Variants in AGBL4 observed in about 807,000 individuals in gnomAD.
AGBL4 encodes AGBL carboxypeptidase 4, also known as cytosolic carboxypeptidase 6.
A neutral mutation model predicts 66.4 loss-of-function variants in AGBL4; 58 were observed. The ratio of observed to expected loss-of-function variants is 0.87; its 90% CI spans 0.71 to 1.09. The LOEUF is 1.09. Among genes scored for constraint, AGBL4 ranks in the 50% least tolerant of loss-of-function variants. The probability of loss-of-function intolerance (pLI) is 0.00; values close to 1 mark genes in which losing one functional copy is unlikely to be tolerated. For synonymous variants in AGBL4, 234 were observed against 222.9 expected, an observed-to-expected ratio of 1.05 and a Z score of -0.44; for missense variants, 579 against 631.0, an observed-to-expected ratio of 0.92 and a Z score of 0.88.
At chr1:49,189,989 C>G (rs1212606097) in intron 4 of AGBL4, among the ~76,000 whole-genome samples, 1 of 152,132 alleles carries the variant, frequency 6.6e-6, no homozygotes. Context: ...TTTTATTTTT[C>G]CTCCAAAGAC....
intron 5 of AGBL4, among the ~76,000 whole-genome samples, chr1:49,035,480 A>G (rs529815744): frequency 6.6e-6 from 1 of 152,230 alleles, no homozygotes; most frequent in African/African-American, 2.4e-5. Flanking sequence ...AGGGTTTTAT[A>G]TGTTGACATA....
chr1:49,451,784 T>C (rs931167661), intron 3 of AGBL4, among the ~76,000 whole-genome samples: 1 of 151,886 alleles, frequency 6.6e-6, no homozygotes, highest in African/African-American at 2.4e-5. Flanking sequence ...ATTATAAGAA[T>C]TGGTACAGAA....
chr1:49,626,469 A>T (rs950459783), intron 3 of AGBL4, among the ~76,000 whole-genome samples: 11 of 152,196 alleles, frequency 7.2e-5, no homozygotes, highest in Admixed American at 5.9e-4. Context: ...TAGAATAGAT[A>T]TCTAAAGAAT....
chr1:49,882,911 A>G (rs928894360), intron 1 of AGBL4, among the ~76,000 whole-genome samples: 5 of 152,178 alleles, frequency 3.3e-5, no homozygotes, highest in Non-Finnish European at 5.9e-5. Flanking sequence ...GGAGAGTCCT[A>G]TACAACTTCT....
At chr1:49,307,700 A>T (rs1570398802) in intron 3 of AGBL4, among the ~76,000 whole-genome samples, 1 of 152,074 alleles carries the variant, frequency 6.6e-6, no homozygotes, top group Non-Finnish European at 1.5e-5. Flanking sequence ...TGCCTTTGTA[A>T]CCAGCCATTC....
Position 49,236,029 on chromosome 1 carries a change from T to TATTG in AGBL4, c.377+9737_377+9740dup, listed in dbSNP as rs1192752996. Among the ~76,000 whole-genome samples the TATTG allele has an allele frequency of 1.2e-4, 18 of 149,604 alleles. No homozygotes were observed. In the East Asian group the frequency reaches 2.1e-3, roughly 17 times the overall value. ...TTATTTATTTATTTATTTATTTATT[T>TATTG]ATTGATGATTGATTGATTGAGATGG... On this transcript the variant is annotated intron_variant, in intron 4 of 13. Transcript: ENST00000371839.
At chr1:49,605,944 A>G (rs1645055989) in intron 3 of AGBL4, among the ~76,000 whole-genome samples, 1 of 152,150 alleles carries the variant, frequency 6.6e-6, no homozygotes, top group African/African-American at 2.4e-5. Context: ...TGAGGGAAAT[A>G]AAGGAGACTA....
intron 3 of AGBL4, among the ~76,000 whole-genome samples, chr1:49,469,503 A>C (rs562265032): frequency 6.6e-6 from 1 of 151,978 alleles, no homozygotes; most frequent in East Asian, 1.9e-4. Context: ...ATTATTTAAA[A>C]TAATTGCACT....
At chr1:49,703,937 G>T (rs2124634876) in intron 2 of AGBL4, among the ~76,000 whole-genome samples, 1 of 151,954 alleles carries the variant, frequency 6.6e-6, no homozygotes, top group East Asian at 1.9e-4. Flanking sequence ...GGCACTACCA[G>T]CAAAAAATTA....
chr1:49,391,558 T>G (rs1442418605), intron 3 of AGBL4, among the ~76,000 whole-genome samples: 2 of 85,890 alleles, frequency 2.3e-5, no homozygotes, highest in Admixed American at 2.1e-4. Flanking sequence ...GAGTTTTTTT[T>G]TTTTGTTTTT....
Position 49,085,283 on chromosome 1 carries a change from A to G in AGBL4, c.378-39483T>C, listed in dbSNP as rs1291257196. Among the ~76,000 whole-genome samples the G allele has an allele frequency of 1.1e-4, 17 of 151,582 alleles. No individual in the cohort carries two copies. In the South Asian group the frequency reaches 2.3e-3, roughly 21 times the overall value. On this transcript the variant is annotated intron_variant, in intron 4 of 13. Transcript: ENST00000371839. ...GACTTTCATCATCATCATCATCATCATCATCATCATCATCATCATCATCAT... is the reference window on the plus strand; with the variant it reads ...GACTTTCATCATCATCATCATCATCGTCATCATCATCATCATCATCATCAT...
intron 4 of AGBL4, among the ~76,000 whole-genome samples, chr1:49,094,788 G>T (rs1372815518): frequency 1.3e-5 from 2 of 152,168 alleles, no homozygotes; most frequent in South Asian, 2.1e-4. Flanking sequence ...AGACAGGGAT[G>T]ACCTCTCTTA....
intron 2 of AGBL4, among the ~76,000 whole-genome samples, chr1:49,850,835 C>T (rs947258989): frequency 3.3e-5 from 5 of 152,048 alleles, no homozygotes; most frequent in Admixed American, 6.6e-5. Context: ...GAGCATGAGG[C>T]TCAGAACATC....
chr1:48,818,196 A>G (rs1316147403), intron 6 of AGBL4: 2 of 717,264 alleles, frequency 2.8e-6, no homozygotes, highest in Admixed American at 4.0e-5. Context: ...TTCAGAAGCA[A>G]ATGATTTCAC....
At chr1:49,397,062 C>T (rs1644989199) in intron 3 of AGBL4, among the ~76,000 whole-genome samples, 1 of 152,134 alleles carries the variant, frequency 6.6e-6, no homozygotes, top group African/African-American at 2.4e-5. Flanking sequence ...GGATCTAATG[C>T]CACTGCTGAT....
intron 3 of AGBL4, among the ~76,000 whole-genome samples, chr1:49,657,692 G>C (rs1161138214): frequency 2.0e-5 from 3 of 152,132 alleles, no homozygotes; most frequent in Non-Finnish European, 1.5e-5. Flanking sequence ...AGAGTCCTCA[G>C]AAATAATACC....
chr1:48,924,031 G>A (rs1557465731), intron 5 of AGBL4, among the ~76,000 whole-genome samples: 1 of 152,076 alleles, frequency 6.6e-6, no homozygotes, highest in African/African-American at 2.4e-5. Context: ...TCTGTCCCAA[G>A]AGACTACCCA....
chr1:49,127,578 C>T (rs1645791887), intron 4 of AGBL4, among the ~76,000 whole-genome samples: 1 of 151,964 alleles, frequency 6.6e-6, no homozygotes. Context: ...TACTGTCTTC[C>T]AAAGTGCATA....
chr1:49,660,579 G>T (rs1646248681), intron 3 of AGBL4, among the ~76,000 whole-genome samples: 1 of 152,160 alleles, frequency 6.6e-6, no homozygotes. Flanking sequence ...AATACCATTT[G>T]ACCCAGCAAT....
Sources: gnomAD v4.1 joint callset for allele counts (sites outside exome capture counted in the v4.1 genomes callset) on GRCh38, gnomAD v4.1.1 for gene constraint, MANE v1.5 for transcripts, NCBI Gene and HGNC (gene_info 2026-07-23, HGNC 2026-07-21) for gene names.